Variants in CFI observed in about 807,000 individuals in gnomAD.
The protein encoded by CFI is complement factor I.
In CFI, 66 loss-of-function variants were observed where a neutral mutation model predicts 78.8. The ratio of observed to expected loss-of-function variants is 0.84; its 90% confidence interval spans 0.69 to 1.03. The LOEUF (loss-of-function observed/expected upper bound fraction) is 1.03. Ranked by LOEUF, CFI falls within the 50% of genes least tolerant of loss-of-function variation. The pLI, the probability that CFI is intolerant of heterozygous loss-of-function variation, is 0.00. For missense variants in CFI, 706 were observed against 704.5 expected, an observed-to-expected ratio of 1.00 and a Z score of -0.02; for synonymous variants, 250 against 232.6, an observed-to-expected ratio of 1.07 and a Z score of -0.68.
rs189624945 is a variant in CFI at position 109,777,293 on chromosome 4, T to C, written c.58-10469A>G. Reference sequence around the variant, plus strand: ...GATGGAGGAAGATCTACCAAGAAAATGGAAAACAAAACAAAACAAAAAGGC... The same window carrying C: ...GATGGAGGAAGATCTACCAAGAAAACGGAAAACAAAACAAAACAAAAAGGC... On this transcript the variant is annotated intron_variant, in intron 1 of 12. Coordinates refer to ENST00000394634, the MANE Select transcript of CFI (RefSeq NM_000204.5). Among the ~76,000 whole-genome samples the C allele has an allele frequency of 5.4e-3, 815 of 151,524 alleles. 7 individuals are homozygous for C. The highest frequency in any genetic ancestry group is 0.019 in the African/African-American group (780 of 41,256).
chr4:109,743,326 T>G (rs1218520912), intron 11 of CFI, among the ~76,000 whole-genome samples: 1 of 152,234 alleles, frequency 6.6e-6, no homozygotes, highest in Non-Finnish European at 1.5e-5. Context: ...GGAAAAGCCT[T>G]TAAAACTGTG....
chr4:109,732,407 T>C, the CFI span, among the ~76,000 whole-genome samples: 1 of 152,238 alleles, frequency 6.6e-6, no homozygotes. Context: ...AATCATTATA[T>C]ATTTGTTGTT....
At chr4:109,754,434 C>CTT (rs60975227) in intron 7 of CFI, among the ~76,000 whole-genome samples, 10 of 134,762 alleles carry the variant, frequency 7.4e-5, no homozygotes, top group Non-Finnish European at 7.9e-5. Flanking sequence ...AAAGAATCTT[C>CTT]TTTTTTTTTT....
intron 1 of CFI, among the ~76,000 whole-genome samples, chr4:109,775,440 A>G (rs755419932): frequency 1.3e-5 from 2 of 152,228 alleles, no homozygotes; most frequent in Non-Finnish European, 2.9e-5. Flanking sequence ...AGGTGGCAGC[A>G]AGGCTGGGGG....
intron 1 of CFI, among the ~76,000 whole-genome samples, chr4:109,780,574 T>C (rs1200175947): frequency 6.6e-6 from 1 of 152,218 alleles, no homozygotes; most frequent in Non-Finnish European, 1.5e-5. Flanking sequence ...TCAACCATTG[T>C]GGAAGACAGT....
downstream of CFI, among the ~76,000 whole-genome samples, chr4:109,736,245 T>C (rs916997511): frequency 2.0e-5 from 3 of 151,522 alleles, no homozygotes; most frequent in African/African-American, 7.3e-5. Context: ...CCTAGCTTCT[T>C]AGATAGTGTT....
rs1376431160 is a variant in CFI, at chr4:109,766,780, T to C, written c.102A>G (p.Leu34=). 6.2e-7 allele frequency: 1 copy of C among 1,614,188 alleles called. No homozygotes were observed. Among genetic ancestry groups the C allele is most frequent in the Non-Finnish European group, 8.5e-7 (1 of 1,180,016 alleles). The change falls in exon 2 of 13, where the codon TTA becomes TTG. Residue 34 remains leucine, a synonymous_variant. Transcript: ENST00000394634. ...SQEDLVEKKC[L]AKKYTHLSCD... is the part of the protein sequence containing the mutation. ...AGGAGAGGTGAGTATATTTTTTTGC[T>C]AAGCACTTTTTCTCCACCAGATCCT...
intron 1 of CFI, among the ~76,000 whole-genome samples, chr4:109,792,388 C>A (rs1341510772): frequency 4.6e-5 from 7 of 152,038 alleles, no homozygotes; most frequent in South Asian, 2.1e-4. Context: ...TCAGCCTGGG[C>A]AACATGGTGA....
chr4:109,738,061 G>A (rs192130080), downstream of CFI, among the ~76,000 whole-genome samples: 2 of 151,978 alleles, frequency 1.3e-5, no homozygotes, highest in East Asian at 3.9e-4. Context: ...TAGATTGGCT[G>A]AGGATGCCCT....
chr4:109,756,603 T>C (rs1224188867), intron 7 of CFI, among the ~76,000 whole-genome samples: 1 of 151,948 alleles, frequency 6.6e-6, no homozygotes, highest in Non-Finnish European at 1.5e-5. Context: ...GGCTCACGCC[T>C]GTAATCCCAG....
intron 1 of CFI, among the ~76,000 whole-genome samples, chr4:109,791,475 T>C (rs1253279616): frequency 6.6e-6 from 1 of 152,158 alleles, no homozygotes; most frequent in Non-Finnish European, 1.5e-5. Context: ...TTTTGCTTTG[T>C]TGTGATTGCT....
At chr4:109,767,556 G>A (rs62324899) in intron 1 of CFI, among the ~76,000 whole-genome samples, 6,116 of 151,454 alleles carry the variant, frequency 0.04, 176 homozygotes, top group South Asian at 0.1. Context: ...GGCCATCAGA[G>A]AAATGCAAAT....
At chr4:109,761,990 G>A (rs1727131636) in intron 3 of CFI, 3 of 357,810 alleles carry the variant, frequency 8.4e-6, no homozygotes, top group South Asian at 7.5e-5. Flanking sequence ...AAGAGTTCGA[G>A]ACCAGCCTGG....
chr4:109,742,938 C>T (rs1025459201), intron 11 of CFI, among the ~76,000 whole-genome samples: 6 of 152,150 alleles, frequency 3.9e-5, no homozygotes, highest in Non-Finnish European at 1.5e-5. Flanking sequence ...TAAATACCTC[C>T]TATCTTCTCA....
Position 109,742,538 on chromosome 4 carries a change from G to C in CFI, c.1487C>G (p.Ser496Cys), listed in dbSNP as rs750850949. The C allele has an allele frequency of 6.2e-7, 1 of 1,613,802 alleles. No individual in the cohort carries two copies. The highest frequency in any genetic ancestry group is 1.7e-5 in the Admixed American group (1 of 60,002). Residue 496 changes from serine to cysteine, a missense_variant, in exon 12 of 13, where the codon TCT becomes TGT. Ser to Cys is a moderately radical substitution (Grantham distance 112). Transcript: ENST00000394634. ...WGEVKLISNC[S>C]KFYGNRFYEK... ...ATAGAAACGATTTCCGTAAAACTTA[G>C]AGCAGTTGCTTATTAGTTTAACTTC... is the stretch of plus-strand genomic sequence containing the variant.
At position 109,760,335 on chromosome 4, in the gene CFI, GGA is replaced by G; in HGVS notation, c.816_817del (p.Pro273LysfsTer8). 1.9e-6 allele frequency: 3 copies of G among 1,614,100 alleles called. No homozygotes were observed. The highest frequency in any genetic ancestry group is 2.5e-6 in the Non-Finnish European group (3 of 1,179,974). On this transcript the variant is annotated frameshift_variant, in exon 6 of 13. Transcript: ENST00000394634. LOFTEE classifies it high-confidence loss of function. Reference sequence around the variant, plus strand: ...CTCACCATTGCATTGATACTGGCTTGGAATGCAAACACCCGATTTGCAATGGA... The same window carrying G: ...CTCACCATTGCATTGATACTGGCTTGATGCAAACACCCGATTTGCAATGGA...
chr4:109,798,471 T>C lies in CFI; in HGVS notation c.57+3444A>G, dbSNP rs76728091. Among the ~76,000 whole-genome samples the C allele has an allele frequency of 5.2e-3, 794 of 151,840 alleles. 4 individuals are homozygous for C. The highest frequency in any genetic ancestry group is 0.018 in the African/African-American group (760 of 41,400). On this transcript the variant is annotated intron_variant, in intron 1 of 12. Coordinates refer to ENST00000394634, the MANE Select transcript of CFI (RefSeq NM_000204.5). ...CATCAAGTTATGTACACTAAATATG[T>C]AGAGTTTATTATATGTCAATCATAA...
intron 1 of CFI, among the ~76,000 whole-genome samples, chr4:109,795,310 C>T (rs1051848327): frequency 3.3e-5 from 5 of 152,172 alleles, no homozygotes; most frequent in African/African-American, 7.2e-5. Context: ...AGCAACAAGC[C>T]GTTCACACGG....
intron 1 of CFI, among the ~76,000 whole-genome samples, chr4:109,795,622 A>G (rs1731958009): frequency 6.6e-6 from 1 of 152,220 alleles, no homozygotes; most frequent in Non-Finnish European, 1.5e-5. Flanking sequence ...AATTAGGGGA[A>G]AATAATTCAT....
Sources: allele counts gnomAD v4.1 joint callset (sites outside exome capture counted in the v4.1 genomes callset), GRCh38; gene constraint gnomAD v4.1.1; transcripts MANE v1.5; gene names NCBI Gene and HGNC (gene_info 2026-07-23, HGNC 2026-07-21).